The following C2CD2 variants were observed in gnomAD, a reference collection of about 807,000 sequenced individuals.
C2CD2 encodes C2 calcium dependent domain containing 2.
Under a neutral mutation model 74.3 loss-of-function variants are expected in C2CD2, and 43 were observed. That is an observed-to-expected ratio of 0.58 (90% CI 0.45 to 0.75). The LOEUF (loss-of-function observed/expected upper bound fraction) is 0.75, where lower values mean the gene tolerates loss of function less well. Ranked by LOEUF, C2CD2 falls within the 30% of genes least tolerant of loss-of-function variation. The pLI, the probability that C2CD2 is intolerant of heterozygous loss-of-function variation, is 0.00. For missense variants in C2CD2, 801 were observed against 916.3 expected, an observed-to-expected ratio of 0.87 and a Z score of 1.63; for synonymous variants, 422 against 390.7, an observed-to-expected ratio of 1.08 and a Z score of -0.94.
chr21:41,899,256 G>T lies in C2CD2; in HGVS notation c.1667C>A (p.Ala556Asp), dbSNP rs779999570. 4 of 1,612,190 alleles carry T rather than the reference G, an allele frequency of 2.5e-6. No individual in the cohort carries two copies. The Admixed American group carries it at 6.7e-5, about 27-fold the overall frequency. Residue 556 changes from alanine (A) to aspartate (D), a missense_variant, in exon 13 of 14, where the codon GCC (alanine) becomes GAC (aspartate). Coordinates refer to ENST00000380486, the MANE Select transcript of C2CD2 (RefSeq NM_015500.2). This position sits in a 1 kb window ranked among gnomAD's most constrained non-coding sequence, Gnocchi z 4.4. ...CTCGGCTTCCTCTGGCGGGGCAGAG[G>T]CTGCCGCCCTCTCCGGATGGGATGG... ...DAPSHPERAA[A>D]SAPPEEAESA...
At position 41,907,118 on chromosome 21, in the gene C2CD2, G is replaced by C. The variant is rs773808008; in HGVS notation, c.1192C>G (p.Pro398Ala). The part of the protein sequence containing the change: ...GELKSWPIPP[P>A]VPAAKIEKDR... ...TTTTCTATTTTTGCAGCAGGAACAG[G>C]GGGAGGGATGGGCCAGGATTTCAAT... The change falls in exon 10 of 14, where the codon CCT (proline) becomes GCT (alanine). Residue 398 changes from proline (P) to alanine (A), a missense_variant. Coordinates refer to ENST00000380486, the MANE Select transcript of C2CD2 (RefSeq NM_015500.2). 31 of 1,613,986 alleles carry C rather than the reference G, an allele frequency of 1.9e-5. No individual in the cohort carries two copies. In the South Asian group the frequency reaches 3.3e-4, roughly 17 times the overall value.
intron 2 of C2CD2, among the ~76,000 whole-genome samples, chr21:41,935,519 C>T (rs1323598744): frequency 6.6e-6 from 1 of 152,148 alleles, no homozygotes; most frequent in Non-Finnish European, 1.5e-5. Flanking sequence ...TATCTGCAAA[C>T]TGCAGCATGC....
chr21:41,888,862 A>G lies in C2CD2; in HGVS notation c.*262T>C. On this transcript the variant is annotated 3_prime_UTR_variant, in exon 14 of 14. Transcript: ENST00000380486. ...CTTCTAATATTGAACCCTAACCCTT[A>G]GCTATGAGCACAGCCCAAGCTCTGC... 1.8e-6 allele frequency: 1 copy of G among 554,026 alleles called. No individual in the cohort carries two copies. The highest frequency in any genetic ancestry group is 3.2e-6 in the Non-Finnish European group (1 of 308,744). 34.3% of individuals were successfully genotyped at this position (554,026 alleles called of 1,614,324 possible). A position where few individuals can be genotyped will look rare whatever the true frequency, so the allele number is the denominator to read the frequency against.
intron 13 of C2CD2, chr21:41,894,790 T>A (rs1257054465): frequency 8.8e-6 from 4 of 456,596 alleles, no homozygotes; most frequent in African/African-American, 2.0e-5. Flanking sequence ...CTATCACCTT[T>A]GGGGTAAACG....
intron 7 of C2CD2, chr21:41,912,095 G>A (rs2065032421): frequency 1.1e-5 from 5 of 444,832 alleles, no homozygotes; most frequent in Non-Finnish European, 2.0e-5. Context: ...GAGACCCCAC[G>A]ATGGCTCCCT....
At position 41,949,162 on chromosome 21, in the gene C2CD2, C is replaced by T. The variant is rs185039802; in HGVS notation, c.279+4208G>A. On this transcript the variant is annotated intron_variant, in intron 1 of 13. Transcript: ENST00000380486. ...GGAGTTCTGGGCAGCCCACGGGCAGCGGCCATCAGAGGCAAGCATGCTGGA... is the reference window on the plus strand; with the variant it reads ...GGAGTTCTGGGCAGCCCACGGGCAGTGGCCATCAGAGGCAAGCATGCTGGA... 6.6e-5 allele frequency among the ~76,000 whole-genome samples: 10 copies of T among 152,102 alleles called. No individual in the cohort carries two copies. In the East Asian group the frequency reaches 1.9e-3, roughly 29 times the overall value.
intron 3 of C2CD2, among the ~76,000 whole-genome samples, chr21:41,920,644 C>T (rs1324319261): frequency 2.6e-5 from 4 of 152,346 alleles, no homozygotes; most frequent in Middle Eastern, 3.4e-3. Flanking sequence ...GAAGCGGGAA[C>T]GCCTCCTGCC....
intron 1 of C2CD2, among the ~76,000 whole-genome samples, chr21:41,948,706 C>G (rs1476270856): frequency 6.6e-6 from 1 of 151,954 alleles, no homozygotes; most frequent in African/African-American, 2.4e-5. Context: ...TACACCACAG[C>G]CACTGTCATT....
rs1478280018 is a variant in C2CD2 at position 41,953,771 on chromosome 21, C to T, written c.-123G>A. 1.1e-6 allele frequency: 1 copy of T among 943,396 alleles called. No individual in the cohort carries two copies. Among genetic ancestry groups the T allele is most frequent in the Non-Finnish European group, 1.4e-6 (1 of 732,568 alleles). The allele number at this position is 943,396 out of a possible 1,614,324, so 58.4% of individuals were successfully genotyped here. A position where few individuals can be genotyped will look rare whatever the true frequency, so the allele number is the denominator to read the frequency against. On this transcript the variant is annotated 5_prime_UTR_variant, in exon 1 of 14. Coordinates refer to ENST00000380486, the MANE Select transcript of C2CD2 (RefSeq NM_015500.2). Reference sequence around the variant, plus strand: ...GGGCGTGGAGGGGGCGCGGCGGGGTCGGAGCCCGGCGAGGAGCGTGGCCGG... The same window carrying T: ...GGGCGTGGAGGGGGCGCGGCGGGGTTGGAGCCCGGCGAGGAGCGTGGCCGG...
At chr21:41,896,908 T>C (rs939295375) in intron 13 of C2CD2, among the ~76,000 whole-genome samples, 1 of 152,206 alleles carries the variant, frequency 6.6e-6, no homozygotes, top group Admixed American at 6.5e-5. Context: ...TTAAAACTGC[T>C]GCCAAGTATG....
chr21:41,935,258 A>G (rs754697272), intron 2 of C2CD2, among the ~76,000 whole-genome samples: 18 of 152,220 alleles, frequency 1.2e-4, no homozygotes, highest in Non-Finnish European at 2.6e-4. Flanking sequence ...GAAAGAATAT[A>G]AATGGAATAT....
chr21:41,942,572 A>G (rs946613790), intron 1 of C2CD2, among the ~76,000 whole-genome samples: 22 of 152,222 alleles, frequency 1.4e-4, no homozygotes. Flanking sequence ...GGAAAGAAAC[A>G]GACTCTTGGG....
rs77479487 is a variant in C2CD2, at chr21:41,923,364, G to A, written c.379-1279C>T. On this transcript the variant is annotated intron_variant, in intron 2 of 13. Transcript: ENST00000380486. This position sits in a 1 kb window ranked among gnomAD's most constrained non-coding sequence, Gnocchi z 5.8. Reference sequence around the variant, plus strand: ...ATAGCTGATTTTTAATTCCCCAAATGTTTCCACATTCATACACAGTCAAAG... The same window carrying A: ...ATAGCTGATTTTTAATTCCCCAAATATTTCCACATTCATACACAGTCAAAG... Among the ~76,000 whole-genome samples, 32 of 152,208 alleles carry A rather than the reference G, an allele frequency of 2.1e-4. No homozygotes were observed. The highest frequency in any genetic ancestry group is 7.5e-4 in the African/African-American group (31 of 41,500).
chr21:41,919,636 C>G (rs1427927221), intron 3 of C2CD2, among the ~76,000 whole-genome samples: 1 of 152,204 alleles, frequency 6.6e-6, no homozygotes, highest in Non-Finnish European at 1.5e-5. Context: ...CTCCCCTGCC[C>G]CACACTCAAA....
At chr21:41,922,667 G>A (rs1347894109) in intron 2 of C2CD2, among the ~76,000 whole-genome samples, 1 of 150,892 alleles carries the variant, frequency 6.6e-6, no homozygotes, top group Non-Finnish European at 1.5e-5. Flanking sequence ...TAGAGACAAA[G>A]TTTCACCATG....
intron 7 of C2CD2, among the ~76,000 whole-genome samples, chr21:41,911,490 C>G (rs924849050): frequency 6.7e-6 from 1 of 149,338 alleles, no homozygotes; most frequent in East Asian, 2.0e-4. Flanking sequence ...ATCCCAGGAT[C>G]AAGTGATTCT....
chr21:41,915,223 G>C (rs1352003797), intron 5 of C2CD2, among the ~76,000 whole-genome samples: 3 of 152,306 alleles, frequency 2.0e-5, no homozygotes, highest in East Asian at 3.9e-4. Context: ...CATGAGGAAA[G>C]TCTATGCATA....
chr21:41,890,607 A>G (rs2064740048), intron 13 of C2CD2, among the ~76,000 whole-genome samples: 1 of 152,276 alleles, frequency 6.6e-6, no homozygotes, highest in East Asian at 1.9e-4. Flanking sequence ...AGGTCTGATC[A>G]TCATGAAGAG....
At chr21:41,914,572 G>A in intron 6 of C2CD2, 26 bp downstream of exon 6, 1 of 1,607,780 alleles carries the variant, frequency 6.2e-7, no homozygotes, top group Non-Finnish European at 8.5e-7. Flanking sequence ...GCCCCTCCAG[G>A]CAGGCAGGCT....
Sources: gnomAD v4.1 joint callset for allele counts (sites outside exome capture counted in the v4.1 genomes callset) on GRCh38, gnomAD v4.1.1 for gene constraint, Gnocchi (gnomAD v3.1) non-coding constraint, MANE v1.5 for transcripts, NCBI Gene and HGNC (gene_info 2026-07-23, HGNC 2026-07-21) for gene names.